SEMA6D: variants seen among roughly 807,000 people sequenced by gnomAD.
SEMA6D encodes the protein semaphorin 6D, also known as semaphorin-6D.
A neutral mutation model predicts 106.6 loss-of-function variants in SEMA6D; 35 were observed. The observed-to-expected ratio is 0.33, with a 90% CI of 0.25 to 0.44. SEMA6D has a LOEUF of 0.44. Ranked by LOEUF, SEMA6D falls within the 20% of genes least tolerant of loss-of-function variation. The pLI, the probability that SEMA6D is intolerant of heterozygous loss-of-function variation, is 1.00. For synonymous variants in SEMA6D, 499 were observed against 487.7 expected (o/e 1.02, Z -0.31); for missense variants, 1,185 against 1,345.9 (o/e 0.88, Z 1.87).
chr15:47,436,758 TAAA>T (rs67662241), intron 2 of SEMA6D, among the ~76,000 whole-genome samples: 4,591 of 127,422 alleles, frequency 0.036, 260 homozygotes, highest in African/African-American at 0.12. Flanking sequence ...CTATCTCTAT[TAAA>T]AAAAAAAATA....
At chr15:47,283,785 C>A (rs1030125283) in intron 1 of SEMA6D, among the ~76,000 whole-genome samples, 1 of 152,158 alleles carries the variant, frequency 6.6e-6, no homozygotes, top group African/African-American at 2.4e-5. Context: ...TAATCATAGC[C>A]CACCTACTCA....
intron 1 of SEMA6D, among the ~76,000 whole-genome samples, chr15:47,266,853 A>T (rs1595583490): frequency 6.6e-6 from 1 of 152,144 alleles, no homozygotes; most frequent in Non-Finnish European, 1.5e-5. Flanking sequence ...CAAATACCGT[A>T]GATTTTTGTT....
rs182520128 is a variant in SEMA6D, at chr15:47,473,477, G to C, written c.-87+2932G>C. Among the ~76,000 whole-genome samples the C allele has an allele frequency of 7.4e-3, 1,132 of 152,198 alleles. 22 individuals carry two copies. The highest frequency in any genetic ancestry group is 0.026 in the African/African-American group (1,069 of 41,514). Reference sequence around the variant, plus strand: ...GCCAGTAATTATGCTGAAGTCCCCTGACTCACATTACACACTCTGAAAGAA... The same window carrying C: ...GCCAGTAATTATGCTGAAGTCCCCTCACTCACATTACACACTCTGAAAGAA... On this transcript the variant is annotated intron_variant, in intron 3 of 19. Coordinates refer to the SEMA6D transcript ENST00000558014.
intron 2 of SEMA6D, among the ~76,000 whole-genome samples, chr15:47,451,204 AC>A (rs948793136): frequency 3.3e-5 from 5 of 152,166 alleles, no homozygotes; most frequent in African/African-American, 1.2e-4. Flanking sequence ...CAAGGATTTT[AC>A]CTGAACACCA....
At chr15:47,658,230 TC>T (rs1168008113) in intron 4 of SEMA6D, among the ~76,000 whole-genome samples, 1 of 152,196 alleles carries the variant, frequency 6.6e-6, no homozygotes, top group Non-Finnish European at 1.5e-5. Flanking sequence ...CTTAATAATT[TC>T]TTACATTGTA....
At chr15:47,430,133 C>T (rs536217540) in intron 2 of SEMA6D, among the ~76,000 whole-genome samples, 1 of 152,232 alleles carries the variant, frequency 6.6e-6, no homozygotes, top group Non-Finnish European at 1.5e-5. Flanking sequence ...GCCAGCCACT[C>T]TTGGACTTTA....
At chr15:47,573,091 A>G (rs1215044191) in intron 3 of SEMA6D, among the ~76,000 whole-genome samples, 1 of 152,162 alleles carries the variant, frequency 6.6e-6, no homozygotes, top group African/African-American at 2.4e-5. Context: ...AAAGAAATAA[A>G]AGTGTAAGAC....
rs191669686 is a variant in SEMA6D at position 47,221,600 on chromosome 15, C to T, written c.-239+37182C>T. Among the ~76,000 whole-genome samples, 13 of 152,212 alleles carry T rather than the reference C, an allele frequency of 8.5e-5. No individual in the cohort carries two copies. In the East Asian group the frequency reaches 1.7e-3, roughly 20 times the overall value. ...TAAAAAAAATTTACTCCTTTATTTT[C>T]GCTAACTTCTAAAAGAAATTTAGCA... On this transcript the variant is annotated intron_variant, in intron 1 of 19. Transcript: ENST00000558014.
chr15:47,257,202 T>C (rs1163781205), intron 1 of SEMA6D, among the ~76,000 whole-genome samples: 3 of 151,876 alleles, frequency 2.0e-5, no homozygotes, highest in East Asian at 2.0e-4. Context: ...GGACTACAGG[T>C]GCCTGCCACC....
At chr15:47,229,344 A>G (rs2032026291) in intron 1 of SEMA6D, among the ~76,000 whole-genome samples, 1 of 151,954 alleles carries the variant, frequency 6.6e-6, no homozygotes, top group African/African-American at 2.4e-5. Context: ...CAGAATATCT[A>G]GGTGCCCTGT....
intron 1 of SEMA6D, among the ~76,000 whole-genome samples, chr15:47,748,099 G>T (rs543347175): frequency 2.6e-5 from 4 of 152,346 alleles, no homozygotes; most frequent in Admixed American, 2.6e-4. Context: ...CTGGTGGGCA[G>T]TTTGTTAATG....
intron 1 of SEMA6D, among the ~76,000 whole-genome samples, chr15:47,190,659 T>A (rs547043275): frequency 6.6e-6 from 1 of 152,342 alleles, no homozygotes; most frequent in South Asian, 2.1e-4. Context: ...ATACATGACC[T>A]CATGAGGCAA....
intron 1 of SEMA6D, among the ~76,000 whole-genome samples, chr15:47,719,159 G>C (rs191929418): frequency 2.0e-3 from 306 of 152,054 alleles, no homozygotes; most frequent in Middle Eastern, 3.4e-3. Flanking sequence ...TGGCGGGGGT[G>C]GGGGTGTGGA....
At chr15:47,725,818 G>C (rs1327283802) in intron 1 of SEMA6D, among the ~76,000 whole-genome samples, 1 of 80,262 alleles carries the variant, frequency 1.2e-5, no homozygotes, top group Non-Finnish European at 4.0e-5. Context: ...CAATTGCTTT[G>C]CCAAGAATTG....
chr15:47,760,471 G>A (rs2082000085), intron 3 of SEMA6D, 56 bp downstream of exon 3: 2 of 1,337,238 alleles, frequency 1.5e-6, no homozygotes, highest in Non-Finnish European at 2.1e-6. Flanking sequence ...TGTGGTGCTT[G>A]CATTAGTGTG....
intron 3 of SEMA6D, among the ~76,000 whole-genome samples, chr15:47,529,129 A>G (rs2142035835): frequency 6.6e-6 from 1 of 152,216 alleles, no homozygotes; most frequent in African/African-American, 2.4e-5. Context: ...GCTAGAGTGA[A>G]GAAAATTATT....
At chr15:47,277,155 G>C (rs1767414840) in intron 1 of SEMA6D, among the ~76,000 whole-genome samples, 3 of 152,130 alleles carry the variant, frequency 2.0e-5, no homozygotes, top group South Asian at 2.1e-4. Context: ...AGCAAAGAAA[G>C]TGATTTCTTG....
chr15:47,683,437 G>A (rs1596622205), intron 4 of SEMA6D, among the ~76,000 whole-genome samples: 1 of 151,978 alleles, frequency 6.6e-6, no homozygotes, highest in Non-Finnish European at 1.5e-5. Flanking sequence ...GATTTCCACC[G>A]AAAAGCGCTA....
At chr15:47,568,717 AC>A (rs1448681596) in intron 3 of SEMA6D, among the ~76,000 whole-genome samples, 1 of 152,142 alleles carries the variant, frequency 6.6e-6, no homozygotes. Flanking sequence ...TTAAAAATCA[AC>A]AAAAATAGGC....
Sources: gnomAD v4.1 joint callset for allele counts (sites outside exome capture counted in the v4.1 genomes callset) on GRCh38, gnomAD v4.1.1 for gene constraint, MANE v1.5 for transcripts, NCBI Gene and HGNC (gene_info 2026-07-23, HGNC 2026-07-21) for gene names.